DLGAP1: variants seen among roughly 807,000 people sequenced by gnomAD.
DLGAP1 encodes DLG associated protein 1.
In DLGAP1, 11 loss-of-function variants were observed where a neutral mutation model predicts 90.8. The ratio of observed to expected loss-of-function variants is 0.12; its 90% CI spans 0.08 to 0.20. The LOEUF is 0.20. DLGAP1 is among the 10% of genes least tolerant of loss of function. DLGAP1 has a pLI of 1.00. For synonymous variants in DLGAP1, 558 were observed against 540.7 expected (o/e 1.03, Z -0.44); for missense variants, 1,050 against 1,333.8 (o/e 0.79, Z 3.31).
chr18:3,554,307 A>C (rs2053632953), intron 9 of DLGAP1, among the ~76,000 whole-genome samples: 1 of 152,318 alleles, frequency 6.6e-6, no homozygotes, highest in South Asian at 2.1e-4. Context: ...TCAGTCCTGC[A>C]TATCAGCAAA....
intron 5 of DLGAP1, among the ~76,000 whole-genome samples, chr18:3,803,059 T>C (rs1355217539): frequency 2.0e-5 from 3 of 152,188 alleles, no homozygotes; most frequent in African/African-American, 7.2e-5. Flanking sequence ...AGGAAGAAGC[T>C]CTGCCTCGTA....
chr18:4,176,482 C>G (rs950371082), intron 1 of DLGAP1, among the ~76,000 whole-genome samples: 1 of 152,192 alleles, frequency 6.6e-6, no homozygotes, highest in African/African-American at 2.4e-5. Flanking sequence ...AGCCCCAGAG[C>G]TAACTCCTAC....
At chr18:3,774,464 AG>A (rs1465939480) in intron 5 of DLGAP1, 1 of 152,248 alleles carries the variant, frequency 6.6e-6, no homozygotes, top group African/African-American at 2.4e-5. Flanking sequence ...GGGATGTCTG[AG>A]GGGTTCTGTT....
rs1357956200 is a variant in DLGAP1 at position 4,378,146 on chromosome 18, A to G, written c.-267+76860T>C. On this transcript the variant is annotated intron_variant, in intron 1 of 12. Coordinates refer to ENST00000315677, the MANE Select transcript of DLGAP1 (RefSeq NM_004746.4). This position sits in a 1 kb window ranked among gnomAD's most constrained non-coding sequence, Gnocchi z 4.5. ...TGTATATAAAATTTATATTATATATATTTGAAAAAAGTCTGCAAAGATACT... is the reference window on the plus strand; with the variant it reads ...TGTATATAAAATTTATATTATATATGTTTGAAAAAAGTCTGCAAAGATACT... Among the ~76,000 whole-genome samples the G allele has an allele frequency of 6.7e-6, 1 of 149,570 alleles. No individual in the cohort carries two copies. Among genetic ancestry groups the G allele is most frequent in the Non-Finnish European group, 1.5e-5 (1 of 67,474 alleles).
At chr18:4,332,914 T>C (rs1428983204) in intron 1 of DLGAP1, among the ~76,000 whole-genome samples, 1 of 151,910 alleles carries the variant, frequency 6.6e-6, no homozygotes, top group African/African-American at 2.4e-5. Flanking sequence ...AAAAATCGAG[T>C]TTAAAACTAA....
intron 7 of DLGAP1, among the ~76,000 whole-genome samples, chr18:3,605,758 A>C (rs914105874): frequency 3.9e-5 from 6 of 152,212 alleles, no homozygotes; most frequent in African/African-American, 1.4e-4. Context: ...CTGACCCTCT[A>C]ACTTGAGCTT....
intron 3 of DLGAP1, among the ~76,000 whole-genome samples, chr18:3,898,392 A>G (rs894414868): frequency 7.9e-5 from 12 of 152,236 alleles, no homozygotes; most frequent in East Asian, 1.9e-4. Context: ...CAGCAGCCCT[A>G]TGAAGCAGGT....
intron 1 of DLGAP1, among the ~76,000 whole-genome samples, chr18:4,382,335 C>T (rs2082142468): frequency 6.6e-6 from 1 of 152,026 alleles, no homozygotes; most frequent in Admixed American, 6.6e-5. Flanking sequence ...ATATTAAGTA[C>T]TCAATAAAGT....
chr18:3,886,671 C>A (rs1419391042), intron 3 of DLGAP1, among the ~76,000 whole-genome samples: 1 of 152,140 alleles, frequency 6.6e-6, no homozygotes, highest in African/African-American at 2.4e-5. Context: ...CCTCCACCTG[C>A]CAGAAGCTTG....
At chr18:4,168,840 T>C (rs1206976389) in intron 1 of DLGAP1, among the ~76,000 whole-genome samples, 1 of 152,192 alleles carries the variant, frequency 6.6e-6, no homozygotes, top group African/African-American at 2.4e-5. Context: ...CACCTCAGCC[T>C]TCCAAGTAGC....
chr18:4,076,105 A>G (rs764834342), intron 2 of DLGAP1, among the ~76,000 whole-genome samples: 2 of 152,222 alleles, frequency 1.3e-5, no homozygotes, highest in Non-Finnish European at 2.9e-5. Flanking sequence ...TTGGAAATGC[A>G]GAAGAGAGAG....
rs182676155 is a variant in DLGAP1, at chr18:3,911,581, G to A, written c.-72-31441C>T. Among the ~76,000 whole-genome samples the A allele has an allele frequency of 2.5e-3, 379 of 152,330 alleles. 3 individuals carry two copies. The highest frequency in any genetic ancestry group is 0.014 in the Middle Eastern group (4 of 294). On this transcript the variant is annotated intron_variant, in intron 3 of 12. Transcript: ENST00000315677. Reference sequence around the variant, plus strand: ...ACTAGAATATATCTCATTGTGGGGTGTGTGGTGACATGGTATGCTCTAGCT... The same window carrying A: ...ACTAGAATATATCTCATTGTGGGGTATGTGGTGACATGGTATGCTCTAGCT...
At chr18:3,957,273 G>A (rs1048061802) in intron 3 of DLGAP1, among the ~76,000 whole-genome samples, 1 of 152,150 alleles carries the variant, frequency 6.6e-6, no homozygotes, top group African/African-American at 2.4e-5. Context: ...AATGCTGGTG[G>A]CCCCTGGAAG....
intron 5 of DLGAP1, among the ~76,000 whole-genome samples, chr18:3,809,524 T>C (rs1045258943): frequency 3.3e-5 from 5 of 152,204 alleles, no homozygotes; most frequent in Admixed American, 6.5e-5. Flanking sequence ...TGAAGCCTTT[T>C]GTTAGACACT....
chr18:3,778,989 A>G (rs1362120069), intron 5 of DLGAP1, among the ~76,000 whole-genome samples: 1 of 152,124 alleles, frequency 6.6e-6, no homozygotes, highest in Non-Finnish European at 1.5e-5. Context: ...CCTCCATATC[A>G]TATTACTCTG....
At chr18:3,518,571 C>CA (rs1398033578) in intron 10 of DLGAP1, among the ~76,000 whole-genome samples, 3 of 150,676 alleles carry the variant, frequency 2.0e-5, no homozygotes, top group African/African-American at 7.3e-5. Context: ...AAAGCAATGC[C>CA]AATAAAATGA....
rs531014800 is a variant in DLGAP1 at position 3,956,629 on chromosome 18, T to C, written c.-73+48487A>G. Among the ~76,000 whole-genome samples the C allele has an allele frequency of 1.7e-4, 26 of 151,924 alleles. No homozygotes were observed. In the East Asian group the frequency reaches 4.7e-3, roughly 27 times the overall value. ...TCCCAAAGTGCTGGGATTATAGAAG[T>C]GAACCACCACGCCCGGCCTATTTTT... On this transcript the variant is annotated intron_variant, in intron 3 of 12. Coordinates refer to ENST00000315677, the MANE Select transcript of DLGAP1 (RefSeq NM_004746.4).
intron 10 of DLGAP1, among the ~76,000 whole-genome samples, chr18:3,528,073 T>A (rs1288362757): frequency 2.0e-5 from 3 of 152,064 alleles, no homozygotes; most frequent in African/African-American, 7.2e-5. Context: ...TTTCCCTCTA[T>A]CCTATTTATC....
intron 3 of DLGAP1, among the ~76,000 whole-genome samples, chr18:3,948,897 C>T (rs1396859608): frequency 6.6e-6 from 1 of 152,014 alleles, no homozygotes; most frequent in African/African-American, 2.4e-5. Context: ...CAAATACCAC[C>T]TGTTCCCCAA....
Sources: gnomAD v4.1 joint callset for allele counts (sites outside exome capture counted in the v4.1 genomes callset) on GRCh38, gnomAD v4.1.1 for gene constraint, Gnocchi (gnomAD v3.1) non-coding constraint, MANE v1.5 for transcripts, NCBI Gene and HGNC (gene_info 2026-07-23, HGNC 2026-07-21) for gene names.